Variants in SLITRK3 observed in about 807,000 individuals in gnomAD.
The protein encoded by SLITRK3 is SLIT and NTRK-like protein 3.
A neutral mutation model predicts 63.6 loss-of-function variants in SLITRK3; 16 were observed. The observed-to-expected ratio is 0.25, with a 90% CI of 0.17 to 0.38. The LOEUF is 0.38. Among genes scored for constraint, SLITRK3 ranks in the 10% least tolerant of loss-of-function variants. The pLI is 1.00. For missense variants in SLITRK3, 1,117 were observed against 1,181.4 expected (o/e 0.95, Z 0.80); for synonymous variants, 547 against 451.6 (o/e 1.21, Z -2.68).
At position 165,187,538 on chromosome 3, in the gene SLITRK3, A is replaced by G. The variant is rs1164194440; in HGVS notation, c.*359T>C. ...AAATAGTTACTGAAAATAAAAAGAC[A>G]CATTGAATTTTACTTAATTAGGATC... On this transcript the variant is annotated 3_prime_UTR_variant, in exon 2 of 2. Coordinates refer to ENST00000475390, the MANE Select transcript of SLITRK3 (RefSeq NM_001318810.2). 1.1e-5 allele frequency: 2 copies of G among 180,408 alleles called. No individual in the cohort carries two copies. The highest frequency in any genetic ancestry group is 2.3e-5 in the Non-Finnish European group (2 of 87,152). The allele number at this position is 180,408 out of a possible 1,614,324, so 11.2% of individuals were successfully genotyped here. A position where few individuals can be genotyped will look rare whatever the true frequency, so the allele number is the denominator to read the frequency against.
chr3:165,191,669 A>G (rs1718232876), intron 1 of SLITRK3, among the ~76,000 whole-genome samples: 1 of 152,240 alleles, frequency 6.6e-6, no homozygotes, highest in Non-Finnish European at 1.5e-5. Flanking sequence ...AGGGACAGCT[A>G]GAGGATGCTG....
intron 1 of SLITRK3, among the ~76,000 whole-genome samples, chr3:165,192,795 G>A (rs926866221): frequency 4.6e-5 from 7 of 152,058 alleles, no homozygotes; most frequent in African/African-American, 4.8e-5. Flanking sequence ...CTCAGTAGAG[G>A]AGGGAGGAGA....
At chr3:165,197,070 T>G (rs1718465911), upstream of SLITRK3, 1 of 151,952 alleles carries the variant, frequency 6.6e-6, no homozygotes, top group African/African-American at 2.4e-5. Flanking sequence ...TGAAATTGAG[T>G]GTCGGGAAGT....
In SLITRK3 at chr3:165,188,000, G is replaced by A. The variant is rs958435761; in HGVS notation, c.2831C>T (p.Thr944Ile). Residue 944 changes from threonine to isoleucine, a missense_variant, in exon 2 of 2, where the codon ACA becomes ATA. By Grantham distance (89) the Thr-to-Ile change is moderately conservative (BLOSUM62 -1). Transcript: ENST00000475390. ...TLLFSAGKGF[T>I]DHQTQKSDYL... ...ATCACTTTTTTGGGTTTGGTGGTCT[G>A]TGAAGCCCTTTCCAGCCGAGAAGAG... 2 of 1,614,064 alleles carry A rather than the reference G, an allele frequency of 1.2e-6. No individual in the cohort carries two copies. Among genetic ancestry groups the A allele is most frequent in the East Asian group, 2.2e-5 (1 of 44,876 alleles).
Position 165,195,982 on chromosome 3 carries a change from C to G in SLITRK3, c.-424G>C, listed in dbSNP as rs947223665. The G allele has an allele frequency of 6.6e-6, 1 of 152,658 alleles. No homozygotes were observed. Among genetic ancestry groups the G allele is most frequent in the Non-Finnish European group, 1.5e-5 (1 of 68,090 alleles). The allele number at this position is 152,658 out of a possible 1,614,324, so 9.5% of individuals were successfully genotyped here. A position where few individuals can be genotyped will look rare whatever the true frequency, so the allele number is the denominator to read the frequency against. On this transcript the variant is annotated 5_prime_UTR_variant, in exon 1 of 2. Coordinates refer to ENST00000475390, the MANE Select transcript of SLITRK3 (RefSeq NM_001318810.2). ...GGAGAGCTTCGTTGTTCCCGAGAGC[C>G]TGAGCTCAGTCTCTGGATTTCTCTC...
At position 165,188,672 on chromosome 3, in the gene SLITRK3, C is replaced by A. The variant is rs1466023888; in HGVS notation, c.2159G>T (p.Gly720Val). The change falls in exon 2 of 2, where the codon GGG becomes GTG. Residue 720 changes from glycine to valine, a missense_variant. Gly to Val is a moderately radical substitution (Grantham distance 109). Around this residue, in one of 4 missense-constraint regions of SLITRK3, gnomAD observed 499 missense variants for 463.6 expected, o/e 1.08. Coordinates refer to ENST00000475390, the MANE Select transcript of SLITRK3 (RefSeq NM_001318810.2). ...GGAAAGAGTTGGTCGACCACCACCCCCACTTCCGCCACCACCACCTCCACC... is the reference window on the plus strand; with the variant it reads ...GGAAAGAGTTGGTCGACCACCACCCACACTTCCGCCACCACCACCTCCACC... ...EDGGGGGGGS[G>V]GGGRPTLSSP... 3.1e-6 allele frequency: 5 copies of A among 1,613,920 alleles called. No individual in the cohort carries two copies. The highest frequency in any genetic ancestry group is 4.2e-6 in the Non-Finnish European group (5 of 1,180,016).
At chr3:165,193,265 C>A (rs552605560) in intron 1 of SLITRK3, among the ~76,000 whole-genome samples, 2 of 133,474 alleles carry the variant, frequency 1.5e-5, no homozygotes, top group Non-Finnish European at 3.2e-5. Context: ...GGGAGGGGGG[C>A]AGGGATAGGC....
In SLITRK3 at chr3:165,189,362, T is replaced by C; in HGVS notation, c.1469A>G (p.Asn490Ser). The C allele has an allele frequency of 1.2e-6, 2 of 1,614,122 alleles. No homozygotes were observed. The highest frequency in any genetic ancestry group is 1.7e-6 in the Non-Finnish European group (2 of 1,180,032). Residue 490 changes from asparagine (N) to serine (S), a missense_variant, in exon 2 of 2, where the codon AAT (asparagine) becomes AGT (serine). Coordinates refer to ENST00000475390, the MANE Select transcript of SLITRK3 (RefSeq NM_001318810.2). This position sits in a 1 kb window ranked among gnomAD's most constrained non-coding sequence, Gnocchi z 4.0. ...TGCAGGCTGGATTTCCCGGATGACA[T>C]TGAACTCAAAGTACAAGTAGTGCAA... ...QSLHYLYFEF[N>S]VIREIQPAAF...
rs1162186514 is a variant in SLITRK3, at chr3:165,190,551, T to G, written c.280A>C (p.Thr94Pro). 1 of 1,613,922 alleles carries G rather than the reference T, an allele frequency of 6.2e-7. No homozygotes were observed. Among genetic ancestry groups the G allele is most frequent in the South Asian group, 1.1e-5 (1 of 91,082 alleles). The change falls in exon 2 of 2, where the codon ACC (threonine) becomes CCC (proline). Residue 94 changes from threonine (T) to proline (P), a missense_variant. By Grantham distance (38) the Thr-to-Pro change is conservative. Coordinates refer to ENST00000475390, the MANE Select transcript of SLITRK3 (RefSeq NM_001318810.2). The stretch of plus-strand genomic sequence containing the variant: ...TTATTCAAATGAAGAAAACTGTTGG[T>G]ATATAATTTCCTCATAGAATTCCTC... ...LQRNSMRKLY[T>P]NSFLHLNNAV... is the part of the protein sequence containing the mutation.
intron 1 of SLITRK3, among the ~76,000 whole-genome samples, chr3:165,191,208 G>T (rs1718213332): frequency 6.6e-6 from 1 of 152,188 alleles, no homozygotes; most frequent in African/African-American, 2.4e-5. Flanking sequence ...CAATAATGTG[G>T]CCATCACACC....
At chr3:165,196,633 G>T (rs1293062633), upstream of SLITRK3, 1 of 152,340 alleles carries the variant, frequency 6.6e-6, no homozygotes, top group Admixed American at 6.5e-5. Context: ...CGTGTATAAG[G>T]AGTCAATATA....
At chr3:165,192,374 T>C (rs1366909105) in intron 1 of SLITRK3, among the ~76,000 whole-genome samples, 4 of 152,168 alleles carry the variant, frequency 2.6e-5, no homozygotes, top group African/African-American at 9.6e-5. Flanking sequence ...CAATTAGTCT[T>C]CCATCTCCCT....
chr3:165,193,036 C>T (rs1340510415), intron 1 of SLITRK3, among the ~76,000 whole-genome samples: 2 of 152,012 alleles, frequency 1.3e-5, no homozygotes, highest in African/African-American at 4.8e-5. Context: ...TGAAAATGAG[C>T]TCCAAAGGGA....
Position 165,188,725 on chromosome 3 carries a change from T to G in SLITRK3, c.2106A>C (p.Gln702His), listed in dbSNP as rs769096179. Residue 702 changes from glutamine (Q) to histidine (H), a missense_variant, in exon 2 of 2, where the codon CAA becomes CAC. By Grantham distance (24) the Gln-to-His change is conservative. This residue lies in a region of SLITRK3 where 499 missense variants were observed against 463.6 expected (regional missense o/e 1.08). Coordinates refer to ENST00000475390, the MANE Select transcript of SLITRK3 (RefSeq NM_001318810.2). ...CCTCAAACAGCCTGTGGCATTGCAT[T>G]TGGATGCCAGTAAGGTCCACACCTT... is the stretch of plus-strand genomic sequence containing the variant. ...RQEGVDLTGIQMQCHRLFEDG... is the reference protein window; with the variant it reads ...RQEGVDLTGIHMQCHRLFEDG... 1 of 1,614,120 alleles carries G rather than the reference T, an allele frequency of 6.2e-7. No individual in the cohort carries two copies.
Position 165,187,865 on chromosome 3 carries a change from A to G in SLITRK3, c.*32T>C, listed in dbSNP as rs535709408. The G allele has an allele frequency of 1.5e-5, 23 of 1,521,752 alleles. No individual in the cohort carries two copies. In the Middle Eastern group the frequency reaches 5.3e-4, roughly 35 times the overall value. The allele number at this position is 1,521,752 out of a possible 1,614,324, so 94.3% of individuals were successfully genotyped here. On this transcript the variant is annotated 3_prime_UTR_variant, in exon 2 of 2. Transcript: ENST00000475390. ...TTTTATTTTCCTTTTCTTTTGAAAA[A>G]AAAAAAGCACTAATATATTTTCTTC...
In SLITRK3 at chr3:165,187,507, T is replaced by TA. The variant is rs961571041; in HGVS notation, c.*389dup. ...CCCCTTTAAATCAAAACTACAACTA[T>TA]AAAAAAAATAGTTACTGAAAATAAA... On this transcript the variant is annotated 3_prime_UTR_variant, in exon 2 of 2. Transcript: ENST00000475390. 6.2e-5 allele frequency: 10 copies of TA among 160,474 alleles called. No homozygotes were observed. The highest frequency in any genetic ancestry group is 1.2e-4 in the African/African-American group (5 of 41,552). The allele number at this position is 160,474 out of a possible 1,614,324, so 9.9% of individuals were successfully genotyped here.
At chr3:165,191,527 T>C (rs933416579) in intron 1 of SLITRK3, among the ~76,000 whole-genome samples, 2 of 152,226 alleles carry the variant, frequency 1.3e-5, no homozygotes, top group African/African-American at 2.4e-5. Context: ...TCTTGCCCAA[T>C]AATACATTAT....
chr3:165,189,852 T>C lies in SLITRK3; in HGVS notation c.979A>G (p.Lys327Glu), dbSNP rs760665563. 7.3e-5 allele frequency: 118 copies of C among 1,613,972 alleles called. No homozygotes were observed. The Admixed American group carries it at 1.9e-3, about 25-fold the overall frequency. Residue 327 changes from lysine (K) to glutamate (E), a missense_variant, in exon 2 of 2, where the codon AAG (lysine) becomes GAG (glutamate). Physicochemically the swap from Lys to Glu is moderately conservative, Grantham distance 56 (BLOSUM62 1). Transcript: ENST00000475390. The surrounding 1 kb of genome is among the most constrained non-coding windows in gnomAD (Gnocchi z 4.0). Reference sequence around the variant, plus strand: ...GGCTTAGGCTGTTTATTTGAGGACTTGTATTCGACAGAAGAAGCAGTAAAA... The same window carrying C: ...GGCTTAGGCTGTTTATTTGAGGACTCGTATTCGACAGAAGAAGCAGTAAAA... ...VHFTASSVEY[K>E]SSNKQPKPTK...
chr3:165,189,660 T>A lies in SLITRK3; in HGVS notation c.1171A>T (p.Asn391Tyr). ...TTATTAAATCCTCGCTCTTTGCAGTTGACAGTCAAGCCAAGGTCATTGATG... is the reference window on the plus strand; with the variant it reads ...TTATTAAATCCTCGCTCTTTGCAGTAGACAGTCAAGCCAAGGTCATTGATG... The part of the protein sequence containing the change: ...LHINDLGLTV[N>Y]CKERGFNNIS... Residue 391 changes from asparagine (N) to tyrosine (Y), a missense_variant, in exon 2 of 2, where the codon AAC (asparagine) becomes TAC (tyrosine). Coordinates refer to ENST00000475390, the MANE Select transcript of SLITRK3 (RefSeq NM_001318810.2). This position sits in a 1 kb window ranked among gnomAD's most constrained non-coding sequence, Gnocchi z 4.0. 1.9e-6 allele frequency: 3 copies of A among 1,614,202 alleles called. No individual in the cohort carries two copies. The highest frequency in any genetic ancestry group is 2.5e-6 in the Non-Finnish European group (3 of 1,180,034).
Sources: allele counts gnomAD v4.1 joint callset (sites outside exome capture counted in the v4.1 genomes callset), GRCh38; gene constraint gnomAD v4.1.1; regional missense constraint gnomAD v4.1.1; non-coding constraint Gnocchi (gnomAD v3.1); transcripts MANE v1.5; gene names NCBI Gene and HGNC (gene_info 2026-07-23, HGNC 2026-07-21).